Variants in NXPE2 observed in about 807,000 individuals in gnomAD.
NXPE2 encodes the protein NXPE family member 2.
In NXPE2, 34 loss-of-function variants were observed where a neutral mutation model predicts 34.4. That is an observed-to-expected ratio of 0.99 (90% confidence interval 0.75 to 1.31). The LOEUF is 1.31. Among genes scored for constraint, NXPE2 ranks in the 40% most tolerant of loss-of-function variants. The pLI, the probability that NXPE2 is intolerant of heterozygous loss-of-function variation, is 0.00. For missense variants in NXPE2, 649 were observed against 672.5 expected (o/e 0.97, Z 0.39); for synonymous variants, 235 against 231.3 (o/e 1.02, Z -0.15).
At chr11:114,469,108 G>GGTTTT in the NXPE2 span, among the ~76,000 whole-genome samples, 1 of 109,890 alleles carries the variant, frequency 9.1e-6, no homozygotes, top group Non-Finnish European at 1.9e-5. Context: ...TACAGTGCTA[G>GGTTTT]CTTTTTTTTT....
the NXPE2 span, among the ~76,000 whole-genome samples, chr11:114,634,687 G>C: frequency 6.6e-6 from 1 of 152,034 alleles, no homozygotes; most frequent in Non-Finnish European, 1.5e-5. Context: ...CATATCGCTA[G>C]TTGGTTTTCC....
the NXPE2 span, among the ~76,000 whole-genome samples, chr11:114,539,930 C>T: frequency 1.3e-5 from 2 of 152,128 alleles, no homozygotes; most frequent in East Asian, 1.9e-4. Flanking sequence ...TCACACACTA[C>T]ATACTAAAGT....
rs538386516 is a variant in NXPE2, at chr11:114,706,368, A to G, written c.1145-27A>G. On this transcript the variant is annotated intron_variant, in intron 5 of 5. Transcript: ENST00000389586. ...AGTTATATCATTTTCCTTTTGTTAAAATATTTATTGATTTGTCTTTCATCA... is the reference window on the plus strand; with the variant it reads ...AGTTATATCATTTTCCTTTTGTTAAGATATTTATTGATTTGTCTTTCATCA... 2.5e-4 allele frequency: 370 copies of G among 1,484,482 alleles called. 8 individuals are homozygous for G. In the South Asian group the frequency reaches 2.6e-3, roughly 11 times the overall value. The allele number at this position is 1,484,482 out of a possible 1,614,324, so 92.0% of individuals were successfully genotyped here.
At chr11:114,680,109 C>T (rs1032311421) in intron 2 of NXPE2, among the ~76,000 whole-genome samples, 1 of 152,134 alleles carries the variant, frequency 6.6e-6, no homozygotes, top group Non-Finnish European at 1.5e-5. Context: ...AGTCCTCTGC[C>T]TTCTTCACAG....
chr11:114,485,383 CTTTTT>C, the NXPE2 span, among the ~76,000 whole-genome samples: 3 of 89,220 alleles, frequency 3.4e-5, no homozygotes, highest in Admixed American at 1.4e-4. Flanking sequence ...TAATTTTTGT[CTTTTT>C]TTTTTTTTTT....
At chr11:114,667,109 A>G in the NXPE2 span, among the ~76,000 whole-genome samples, 4 of 152,242 alleles carry the variant, frequency 2.6e-5, no homozygotes, top group East Asian at 1.9e-4. Flanking sequence ...TGTGATGGCC[A>G]TGTGGTCCAG....
chr11:114,551,194 G>C, the NXPE2 span: 3 of 1,532,442 alleles, frequency 2.0e-6, no homozygotes, highest in Non-Finnish European at 2.6e-6. Flanking sequence ...CATTGTATTT[G>C]AGGACATGAC....
chr11:114,698,268 C>G lies in NXPE2; in HGVS notation c.356C>G (p.Pro119Arg), dbSNP rs529026239. The G allele has an allele frequency of 1.2e-6, 2 of 1,613,450 alleles. No homozygotes were observed. The highest frequency in any genetic ancestry group is 1.3e-5 in the African/African-American group (1 of 75,052). The change falls in exon 3 of 6, where the codon CCT becomes CGT. Residue 119 changes from proline (P) to arginine (R), a missense_variant. Pro to Arg is a moderately radical substitution (Grantham distance 103, BLOSUM62 -2). Coordinates refer to ENST00000389586, the MANE Select transcript of NXPE2 (RefSeq NM_182495.6). ...CACAGCACAGCCACCATCCTCAACC[C>G]TCAAGATACGTACTGCAGGGGGGAT... ...ATHSTATILN[P>R]QDTYCRGDQL...
the NXPE2 span, among the ~76,000 whole-genome samples, chr11:114,761,311 G>A: frequency 2.9e-4 from 44 of 152,268 alleles, no homozygotes; most frequent in African/African-American, 1.0e-3. Context: ...GTTCAGCTAT[G>A]AACTGAAAGA....
At chr11:114,555,884 A>G in the NXPE2 span, among the ~76,000 whole-genome samples, 2 of 152,342 alleles carry the variant, frequency 1.3e-5, no homozygotes, top group African/African-American at 4.8e-5. Context: ...ATTGAGCAAT[A>G]TCTCATAATA....
chr11:114,747,265 C>G, the NXPE2 span, among the ~76,000 whole-genome samples: 1 of 152,200 alleles, frequency 6.6e-6, no homozygotes, highest in Admixed American at 6.5e-5. Flanking sequence ...CCTGGTAACA[C>G]TCAGGACCCA....
rs1343905595 is a variant in NXPE2, at chr11:114,698,551, G to A, written c.639G>A (p.Arg213=). The change falls in exon 3 of 6, where the codon AGG becomes AGA. Residue 213 remains arginine, a synonymous_variant. Coordinates refer to ENST00000389586, the MANE Select transcript of NXPE2 (RefSeq NM_182495.6). The part of the protein sequence containing the change: ...LWRARNQGCD[R]IIFTGLFANR... Reference sequence around the variant, plus strand: ...GGGCAAGGAACCAAGGATGTGATAGGATCATCTTCACTGGCCTGTTTGCCA... The same window carrying A: ...GGGCAAGGAACCAAGGATGTGATAGAATCATCTTCACTGGCCTGTTTGCCA... 1.2e-6 allele frequency: 2 copies of A among 1,614,016 alleles called. No individual in the cohort carries two copies. The highest frequency in any genetic ancestry group is 1.3e-5 in the African/African-American group (1 of 74,932).
At chr11:114,672,762 C>T in the NXPE2 span, among the ~76,000 whole-genome samples, 27,320 of 151,586 alleles carry the variant, frequency 0.18, 2,785 homozygotes, top group Non-Finnish European at 0.22. Context: ...GGAGATATAA[C>T]ACTGAGAAAA....
At chr11:114,721,161 G>A in the NXPE2 span, among the ~76,000 whole-genome samples, 1 of 152,048 alleles carries the variant, frequency 6.6e-6, no homozygotes, top group Non-Finnish European at 1.5e-5. Flanking sequence ...TGCGGGTTGT[G>A]AGTGTACTGA....
the NXPE2 span, among the ~76,000 whole-genome samples, chr11:114,734,762 T>C: frequency 6.6e-6 from 1 of 152,174 alleles, no homozygotes; most frequent in Non-Finnish European, 1.5e-5. Context: ...AGTAAGTACA[T>C]GTTCCTAGGT....
the NXPE2 span, among the ~76,000 whole-genome samples, chr11:114,642,187 A>G: frequency 5.3e-5 from 8 of 151,978 alleles, no homozygotes; most frequent in East Asian, 1.5e-3. Context: ...TGTGATGAAA[A>G]TGGCATTTTA....
At chr11:114,602,286 GTTATCT>G in the NXPE2 span, among the ~76,000 whole-genome samples, 1 of 111,886 alleles carries the variant, frequency 8.9e-6, no homozygotes, top group Non-Finnish European at 1.6e-5. Context: ...CTATATATAT[GTTATCT>G]ATAACATATA....
At position 114,705,777 on chromosome 11, in the gene NXPE2, C is replaced by A; in HGVS notation, c.929-4C>A. ...TTACTTAATCTGGAAATTTGTATTG[C>A]CAGAGAGCGAGAACATAAAAAAGAA... On this transcript the variant is annotated splice_region_variant and splice_polypyrimidine_tract_variant and intron_variant, in intron 4 of 5. Transcript: ENST00000389586. The A allele has an allele frequency of 7.1e-7, 1 of 1,416,290 alleles. No homozygotes were observed. The highest frequency in any genetic ancestry group is 9.3e-7 in the Non-Finnish European group (1 of 1,077,430). 87.7% of individuals were successfully genotyped at this position (1,416,290 alleles called of 1,614,324 possible).
At chr11:114,654,584 G>C in the NXPE2 span, among the ~76,000 whole-genome samples, 7 of 152,156 alleles carry the variant, frequency 4.6e-5, no homozygotes, top group Non-Finnish European at 1.0e-4. Context: ...TTGGCCCTCT[G>C]TTCCTGTGTT....
Sources: gnomAD v4.1 joint callset for allele counts (sites outside exome capture counted in the v4.1 genomes callset) on GRCh38, gnomAD v4.1.1 for gene constraint, MANE v1.5 for transcripts, NCBI Gene and HGNC (gene_info 2026-07-23, HGNC 2026-07-21) for gene names.